PHLDB2: variants seen among roughly 807,000 people sequenced by gnomAD.
PHLDB2 encodes pleckstrin homology like domain family B member 2.
Under a neutral mutation model 123.6 loss-of-function variants are expected in PHLDB2, and 71 were observed. That is an observed-to-expected ratio of 0.57 (90% CI 0.47 to 0.70). The LOEUF (loss-of-function observed/expected upper bound fraction) is 0.70, where lower values mean the gene tolerates loss of function less well. Among genes scored for constraint, PHLDB2 ranks in the 30% least tolerant of loss-of-function variants. The pLI is 0.00. For synonymous variants in PHLDB2, 547 were observed against 541.6 expected (o/e 1.01, Z -0.14); for missense variants, 1,446 against 1,519.5 (o/e 0.95, Z 0.80).
At chr3:111,762,208 T>C (rs2108015924) in intron 1 of PHLDB2, among the ~76,000 whole-genome samples, 1 of 152,270 alleles carries the variant, frequency 6.6e-6, no homozygotes, top group East Asian at 1.9e-4. Flanking sequence ...TAAACTGCAG[T>C]ACTGGAAGGA....
chr3:111,926,426 G>T (rs965174854), intron 5 of PHLDB2, among the ~76,000 whole-genome samples: 3 of 152,148 alleles, frequency 2.0e-5, no homozygotes, highest in Admixed American at 2.0e-4. Context: ...CAGGGACCCA[G>T]CCCTTCCCGT....
chr3:111,845,774 A>T, intron 1 of PHLDB2: 1 of 1,603,674 alleles, frequency 6.2e-7, no homozygotes, highest in Non-Finnish European at 8.5e-7. Flanking sequence ...TTCAGAGGTC[A>T]ATTCAGCTTT....
chr3:111,780,734 G>A lies in PHLDB2; in HGVS notation c.-49+48031G>A, dbSNP rs574429522. Among the ~76,000 whole-genome samples the A allele has an allele frequency of 2.0e-5, 3 of 152,142 alleles. No individual in the cohort carries two copies. In the South Asian group the frequency reaches 6.2e-4, roughly 32 times the overall value. On this transcript the variant is annotated intron_variant, in intron 1 of 17. Transcript: ENST00000393923. Reference sequence around the variant, plus strand: ...AGATTATTCAGGTAAAATTATGATGGGTTATGGCAGACTTGCAGCTTTGAT... The same window carrying A: ...AGATTATTCAGGTAAAATTATGATGAGTTATGGCAGACTTGCAGCTTTGAT...
chr3:111,837,964 C>T (rs1431445379), intron 1 of PHLDB2, among the ~76,000 whole-genome samples: 1 of 151,966 alleles, frequency 6.6e-6, no homozygotes, highest in Non-Finnish European at 1.5e-5. Flanking sequence ...ATCACTTGAA[C>T]CCGGGAGGTG....
chr3:111,792,895 G>A (rs2060988851), intron 1 of PHLDB2, among the ~76,000 whole-genome samples: 1 of 152,180 alleles, frequency 6.6e-6, no homozygotes, highest in African/African-American at 2.4e-5. Flanking sequence ...AAAGAAGGAA[G>A]GATGTGAATA....
chr3:111,926,580 T>C (rs1367528879), intron 5 of PHLDB2, among the ~76,000 whole-genome samples: 1 of 108,924 alleles, frequency 9.2e-6, no homozygotes, highest in Non-Finnish European at 2.1e-5. Context: ...CCTGAGTTTC[T>C]GACTTTCTAG....
intron 1 of PHLDB2, among the ~76,000 whole-genome samples, chr3:111,769,366 A>G (rs1026075385): frequency 6.6e-5 from 10 of 152,142 alleles, no homozygotes; most frequent in African/African-American, 2.2e-4. Flanking sequence ...CTTGTGTCCA[A>G]ACCCTTGCTT....
intron 3 of PHLDB2, chr3:111,914,384 C>T (rs2068051019): frequency 6.6e-6 from 1 of 151,852 alleles, no homozygotes; most frequent in South Asian, 2.1e-4. Context: ...TTCTAAAAGA[C>T]CATATTAAAA....
intron 1 of PHLDB2, among the ~76,000 whole-genome samples, chr3:111,824,740 T>A (rs763441160): frequency 6.6e-6 from 1 of 152,170 alleles, no homozygotes; most frequent in Non-Finnish European, 1.5e-5. Context: ...GTTACACGAG[T>A]CGATGGTTTT....
At chr3:111,813,441 G>A (rs941697967) in intron 1 of PHLDB2, among the ~76,000 whole-genome samples, 3 of 151,970 alleles carry the variant, frequency 2.0e-5, no homozygotes, top group Non-Finnish European at 4.4e-5. Flanking sequence ...TAATTGACAG[G>A]TGAAATTTTT....
At chr3:111,848,450 A>G (rs1459596775) in intron 2 of PHLDB2, among the ~76,000 whole-genome samples, 2 of 152,176 alleles carry the variant, frequency 1.3e-5, no homozygotes, top group Non-Finnish European at 2.9e-5. Flanking sequence ...TCTTGATTAC[A>G]TTGCTCATCA....
chr3:111,753,661 C>A (rs1288391038), intron 1 of PHLDB2, among the ~76,000 whole-genome samples: 1 of 152,046 alleles, frequency 6.6e-6, no homozygotes, highest in South Asian at 2.1e-4. Context: ...TAATTAGATC[C>A]CATTTGTGAA....
upstream of PHLDB2, among the ~76,000 whole-genome samples, chr3:111,857,793 G>C (rs1559870729): frequency 1.3e-5 from 2 of 152,174 alleles, no homozygotes; most frequent in South Asian, 2.1e-4. Context: ...TCATTAAAAA[G>C]TCAGGAAATA....
At chr3:111,788,849 AG>A (rs1375100952) in intron 1 of PHLDB2, among the ~76,000 whole-genome samples, 1 of 152,224 alleles carries the variant, frequency 6.6e-6, no homozygotes, top group Non-Finnish European at 1.5e-5. Flanking sequence ...GGAAGACAAA[AG>A]ATTACACACC....
At chr3:111,921,707 A>G (rs889611672) in intron 5 of PHLDB2, among the ~76,000 whole-genome samples, 2 of 148,690 alleles carry the variant, frequency 1.3e-5, no homozygotes, top group Admixed American at 1.4e-4. Context: ...AGGTTCAGCC[A>G]TTCTCCTGCC....
At chr3:111,791,566 T>C (rs2060927884) in intron 1 of PHLDB2, among the ~76,000 whole-genome samples, 1 of 152,238 alleles carries the variant, frequency 6.6e-6, no homozygotes, top group Non-Finnish European at 1.5e-5. Flanking sequence ...TCCCTGGTAG[T>C]GTATAAGCAA....
intron 2 of PHLDB2, among the ~76,000 whole-genome samples, chr3:111,908,508 A>C (rs1424039975): frequency 6.6e-6 from 1 of 152,202 alleles, no homozygotes; most frequent in Non-Finnish European, 1.5e-5. Context: ...TGATGGAGCC[A>C]ACACCTGCAG....
chr3:111,838,995 T>G (rs2063545349), intron 1 of PHLDB2, among the ~76,000 whole-genome samples: 1 of 152,196 alleles, frequency 6.6e-6, no homozygotes, highest in Non-Finnish European at 1.5e-5. Flanking sequence ...ACTTTTATAG[T>G]AAAAATAAGA....
chr3:111,826,104 C>T (rs2062641302), intron 1 of PHLDB2, among the ~76,000 whole-genome samples: 1 of 151,826 alleles, frequency 6.6e-6, no homozygotes, highest in Admixed American at 6.6e-5. Context: ...GAGTTCGAGA[C>T]CCACCTGGCC....
Sources: gnomAD v4.1 joint callset for allele counts (sites outside exome capture counted in the v4.1 genomes callset) on GRCh38, gnomAD v4.1.1 for gene constraint, MANE v1.5 for transcripts, NCBI Gene and HGNC (gene_info 2026-07-23, HGNC 2026-07-21) for gene names.